The following RALGAPB variants were observed in gnomAD, a reference collection of about 807,000 sequenced individuals.
RALGAPB encodes the protein Ral GTPase activating protein non-catalytic subunit beta.
A neutral mutation model predicts 161.1 loss-of-function variants in RALGAPB; 25 were observed. The observed-to-expected ratio is 0.16, with a 90% CI of 0.11 to 0.22. The LOEUF (loss-of-function observed/expected upper bound fraction) is 0.22, where lower values mean the gene tolerates loss of function less well. Ranked by LOEUF, RALGAPB falls within the 10% of genes least tolerant of loss-of-function variation. The probability of loss-of-function intolerance (pLI) is 1.00; values close to 1 mark genes in which losing one functional copy is unlikely to be tolerated. For missense variants in RALGAPB, 1,391 were observed against 1,815.2 expected, an observed-to-expected ratio of 0.77 and a Z score of 4.25; for synonymous variants, 629 against 626.1, an observed-to-expected ratio of 1.00 and a Z score of -0.07.
intron 20 of RALGAPB, among the ~76,000 whole-genome samples, chr20:38,550,132 T>TGG (rs1444294042): frequency 6.6e-6 from 1 of 152,116 alleles, no homozygotes; most frequent in Non-Finnish European, 1.5e-5. Flanking sequence ...CATCACACTC[T>TGG]GGGGCCTGTT....
intron 18 of RALGAPB, among the ~76,000 whole-genome samples, chr20:38,543,636 T>C (rs1037583369): frequency 6.8e-4 from 104 of 152,324 alleles, no homozygotes; most frequent in African/African-American, 2.4e-3. Flanking sequence ...TTGCAACTTG[T>C]CTGTTTTGCC....
chr20:38,575,738 C>G lies in RALGAPB; in HGVS notation c.*771C>G, dbSNP rs1412879602. On this transcript the variant is annotated 3_prime_UTR_variant, in exon 30 of 30. Coordinates refer to ENST00000262879, the MANE Select transcript of RALGAPB (RefSeq NM_020336.4). ...AGACAGCAGTGATACCCCACTCTCTCCATTATTGTCCAGCGGGGTGACATA... is the reference window on the plus strand; with the variant it reads ...AGACAGCAGTGATACCCCACTCTCTGCATTATTGTCCAGCGGGGTGACATA... The G allele has an allele frequency of 1.3e-5, 2 of 152,160 alleles. No homozygotes were observed. The highest frequency in any genetic ancestry group is 4.8e-5 in the African/African-American group (2 of 41,386). The allele number at this position is 152,160 out of a possible 1,614,324, so 9.4% of individuals were successfully genotyped here.
chr20:38,540,944 C>T (rs2086945769), intron 17 of RALGAPB, 97 bp from the exon 18 acceptor site: 1 of 1,347,850 alleles, frequency 7.4e-7, no homozygotes, highest in Admixed American at 2.2e-5. Flanking sequence ...GGAGCCCTTC[C>T]ACCAAAACGC....
intron 1 of RALGAPB, among the ~76,000 whole-genome samples, chr20:38,479,495 A>G (rs955261017): frequency 6.6e-6 from 1 of 152,184 alleles, no homozygotes; most frequent in African/African-American, 2.4e-5. Context: ...CCAAACTTGC[A>G]TGTTATTTTG....
chr20:38,526,337 CCTTT>C, intron 13 of RALGAPB, among the ~76,000 whole-genome samples: 1 of 152,176 alleles, frequency 6.6e-6, no homozygotes, highest in Admixed American at 6.5e-5. Flanking sequence ...CTTCTTTCCT[CCTTT>C]CTTCCTGCTC....
intron 13 of RALGAPB, among the ~76,000 whole-genome samples, chr20:38,529,807 C>G (rs2086595000): frequency 6.6e-6 from 1 of 152,204 alleles, no homozygotes; most frequent in Non-Finnish European, 1.5e-5. Context: ...CGCTACTGGA[C>G]TCCAGCCTGG....
At chr20:38,495,553 A>G (rs1178498311) in intron 3 of RALGAPB, among the ~76,000 whole-genome samples, 1 of 152,208 alleles carries the variant, frequency 6.6e-6, no homozygotes, top group African/African-American at 2.4e-5. Flanking sequence ...ATACAACTTC[A>G]TTTACAATAT....
intron 1 of RALGAPB, among the ~76,000 whole-genome samples, chr20:38,477,232 TATTAAA>T (rs1476069093): frequency 6.6e-6 from 1 of 152,228 alleles, no homozygotes; most frequent in Non-Finnish European, 1.5e-5. Context: ...AACTTAAAAC[TATTAAA>T]ATTAAAAGTT....
chr20:38,502,630 G>C (rs2085629364), intron 5 of RALGAPB, among the ~76,000 whole-genome samples: 1 of 152,086 alleles, frequency 6.6e-6, no homozygotes, highest in Non-Finnish European at 1.5e-5. Context: ...TTTTCACCTA[G>C]TCTGGAGTGC....
rs370404015 is a variant in RALGAPB at position 38,546,290 on chromosome 20, C to T, written c.2762C>T (p.Ser921Phe). 1.2e-6 allele frequency: 2 copies of T among 1,614,152 alleles called. No homozygotes were observed. The highest frequency in any genetic ancestry group is 1.7e-6 in the Non-Finnish European group (2 of 1,179,994). Residue 921 changes from serine (S) to phenylalanine (F), a missense_variant, in exon 19 of 30, where the codon TCT (serine) becomes TTT (phenylalanine). This residue lies in a region of RALGAPB where 946 missense variants were observed against 1,257.2 expected (regional missense o/e 0.75). Coordinates refer to ENST00000262879, the MANE Select transcript of RALGAPB (RefSeq NM_020336.4). ...GAFPSPSGPA[S>F]PCSLVNETTL... ...TTTCCTTCACCTAGTGGTCCTGCCT[C>T]TCCTTGTAGTCTTGTGAATGAGACC...
chr20:38,546,481 G>C, intron 19 of RALGAPB, 51 bp downstream of exon 19: 1 of 1,601,834 alleles, frequency 6.2e-7, no homozygotes, highest in Non-Finnish European at 8.5e-7. Context: ...AGTGTTACCA[G>C]TACCATGAAG....
chr20:38,511,335 T>A (rs1269546338), intron 6 of RALGAPB, among the ~76,000 whole-genome samples: 4 of 151,422 alleles, frequency 2.6e-5, no homozygotes, highest in Admixed American at 1.3e-4. Context: ...TTTTTTTTTT[T>A]AATTTTTTTA....
At chr20:38,474,444 T>TA (rs1219467845) in intron 1 of RALGAPB, among the ~76,000 whole-genome samples, 3 of 151,996 alleles carry the variant, frequency 2.0e-5, no homozygotes, top group Non-Finnish European at 4.4e-5. Flanking sequence ...GCTTGGCTAA[T>TA]TTTTGAATTT....
chr20:38,488,388 G>C lies in RALGAPB; in HGVS notation c.-30-15G>C, dbSNP rs2085179960. On this transcript the variant is annotated splice_polypyrimidine_tract_variant and intron_variant, in intron 1 of 29. Transcript: ENST00000262879. Reference sequence around the variant, plus strand: ...ATAGTATAATTTGACATGCATTTCTGTTTTGTCTTTTCAGGTGCCATTTGG... The same window carrying C: ...ATAGTATAATTTGACATGCATTTCTCTTTTGTCTTTTCAGGTGCCATTTGG... 2.0e-6 allele frequency: 3 copies of C among 1,496,162 alleles called. No individual in the cohort carries two copies. Among genetic ancestry groups the C allele is most frequent in the Non-Finnish European group, 2.8e-6 (3 of 1,085,132 alleles). 92.7% of individuals were successfully genotyped at this position (1,496,162 alleles called of 1,614,324 possible). A position where few individuals can be genotyped will look rare whatever the true frequency, so the allele number is the denominator to read the frequency against.
chr20:38,562,455 A>G lies in RALGAPB; in HGVS notation c.3532-77A>G, dbSNP rs2087817273. ...TGATTTGTCAGAAGCTTCAAAACTA[A>G]CCAATTTTTATGAAGATTTATTTTG... On this transcript the variant is annotated intron_variant, in intron 23 of 29. Coordinates refer to ENST00000262879, the MANE Select transcript of RALGAPB (RefSeq NM_020336.4). 1.5e-6 allele frequency: 2 copies of G among 1,298,768 alleles called. 1 individual carries two copies. The highest frequency in any genetic ancestry group is 3.3e-5 in the South Asian group (2 of 61,436). 80.5% of individuals were successfully genotyped at this position (1,298,768 alleles called of 1,614,324 possible).
At chr20:38,505,894 T>C (rs2085747704) in intron 5 of RALGAPB, among the ~76,000 whole-genome samples, 1 of 152,138 alleles carries the variant, frequency 6.6e-6, no homozygotes, top group African/African-American at 2.4e-5. Context: ...CCCAAAAAAG[T>C]TGACAATTCT....
At chr20:38,514,096 G>A (rs2086055492) in intron 6 of RALGAPB, among the ~76,000 whole-genome samples, 1 of 152,220 alleles carries the variant, frequency 6.6e-6, no homozygotes, top group Admixed American at 6.5e-5. Context: ...TTAAGCAAAT[G>A]CAGGTGAGAA....
chr20:38,573,941 G>C (rs2088336710), intron 28 of RALGAPB: 2 of 373,500 alleles, frequency 5.4e-6, no homozygotes, highest in Non-Finnish European at 9.5e-6. Context: ...CCCAGTAATG[G>C]ACCTTTAGGA....
chr20:38,545,562 G>T (rs1242901988), intron 18 of RALGAPB, among the ~76,000 whole-genome samples: 1 of 152,092 alleles, frequency 6.6e-6, no homozygotes, highest in Admixed American at 6.5e-5. Flanking sequence ...AGCTTGAATG[G>T]CCTCTCCTCT....
Sources: gnomAD v4.1 joint callset for allele counts (sites outside exome capture counted in the v4.1 genomes callset) on GRCh38, gnomAD v4.1.1 for gene constraint, gnomAD v4.1.1 regional missense constraint, MANE v1.5 for transcripts, NCBI Gene and HGNC (gene_info 2026-07-23, HGNC 2026-07-21) for gene names.